Variants in ASPHD2 observed in about 807,000 individuals in gnomAD.
ASPHD2 encodes aspartate beta-hydroxylase domain-containing protein 2.
A neutral mutation model predicts 34.6 loss-of-function variants in ASPHD2; 12 were observed. The observed-to-expected ratio is 0.35, with a 90% CI of 0.22 to 0.56. The LOEUF (loss-of-function observed/expected upper bound fraction) is 0.56, where lower values mean the gene tolerates loss of function less well. Among genes scored for constraint, ASPHD2 ranks in the 20% least tolerant of loss-of-function variants. ASPHD2 has a pLI of 0.87. For synonymous variants in ASPHD2, 224 were observed against 212.2 expected, an observed-to-expected ratio of 1.06 and a Z score of -0.48; for missense variants, 375 against 505.0, an observed-to-expected ratio of 0.74 and a Z score of 2.47.
Position 26,443,330 on chromosome 22 carries a change from AT to A in ASPHD2, c.*127del, listed in dbSNP as rs2084870962. On this transcript the variant is annotated 3_prime_UTR_variant, in exon 4 of 4. Coordinates refer to ENST00000215906, the MANE Select transcript of ASPHD2 (RefSeq NM_020437.5). ...AAACCTGCCTCAGCGGAAAGCTCTT[AT>A]TTGGGATTTTATATCATGTCGGGTC... is the stretch of plus-strand genomic sequence containing the variant. 1 of 758,906 alleles carries A rather than the reference AT, an allele frequency of 1.3e-6. No individual in the cohort carries two copies. Among genetic ancestry groups the A allele is most frequent in the East Asian group, 2.7e-5 (1 of 37,270 alleles). 47.0% of individuals were successfully genotyped at this position (758,906 alleles called of 1,614,324 possible).
intron 1 of ASPHD2, among the ~76,000 whole-genome samples, chr22:26,431,249 A>G (rs1487769265): frequency 1.3e-5 from 2 of 152,176 alleles, no homozygotes; most frequent in Non-Finnish European, 2.9e-5. Flanking sequence ...TTGCAAACAA[A>G]ACATCTTTCA....
chr22:26,442,884 C>T (rs934316918), intron 3 of ASPHD2, among the ~76,000 whole-genome samples: 4 of 152,148 alleles, frequency 2.6e-5, no homozygotes, highest in African/African-American at 9.7e-5. Context: ...AAAGATCCCT[C>T]CATCTCCCCA....
chr22:26,442,418 C>G, intron 2 of ASPHD2, 41 bp from the exon 3 acceptor site: 1 of 1,464,378 alleles, frequency 6.8e-7, no homozygotes, highest in Non-Finnish European at 9.3e-7. Flanking sequence ...TTCCCTGAAT[C>G]TTGCCTGCCT....
chr22:26,442,366 C>CA, intron 2 of ASPHD2, 93 bp from the exon 3 acceptor site: 2 of 964,076 alleles, frequency 2.1e-6, no homozygotes. Flanking sequence ...CTTTAGAAGT[C>CA]AAAAACTCTC....
intron 2 of ASPHD2, among the ~76,000 whole-genome samples, chr22:26,436,933 G>C (rs900456921): frequency 6.6e-6 from 1 of 152,088 alleles, no homozygotes; most frequent in Non-Finnish European, 1.5e-5. Context: ...GCCCAGCTAG[G>C]TACTTGCCAG....
intron 3 of ASPHD2, 118 bp from the exon 4 acceptor site, chr22:26,442,979 G>A: frequency 2.7e-6 from 2 of 749,358 alleles, no homozygotes; most frequent in Non-Finnish European, 4.8e-6. Context: ...TCCGAGCCGA[G>A]GGACAGGATG....
chr22:26,437,445 C>A (rs2084799354), intron 2 of ASPHD2, among the ~76,000 whole-genome samples: 1 of 152,172 alleles, frequency 6.6e-6, no homozygotes, highest in South Asian at 2.1e-4. Flanking sequence ...ATCACCTAGT[C>A]CCGACTTCAT....
chr22:26,435,972 A>G (rs184890338), intron 2 of ASPHD2, among the ~76,000 whole-genome samples: 1 of 152,288 alleles, frequency 6.6e-6, no homozygotes, highest in African/African-American at 2.4e-5. Context: ...AGAGGATTCA[A>G]TGAGTGGCAT....
rs750016830 is a variant in ASPHD2, at chr22:26,442,616, C to G, written c.1000+44C>G. 6.9e-6 allele frequency: 10 copies of G among 1,452,444 alleles called. No homozygotes were observed. The African/African-American group carries it at 1.0e-4, about 15-fold the overall frequency. The allele number at this position is 1,452,444 out of a possible 1,614,324, so 90.0% of individuals were successfully genotyped here. ...CACTTCCTTTTTTTCAATGAATAGA[C>G]TTTTATTTTTTTAGAGAAGTTTTAG... On this transcript the variant is annotated intron_variant, in intron 3 of 3. Coordinates refer to ENST00000215906, the MANE Select transcript of ASPHD2 (RefSeq NM_020437.5).
At chr22:26,436,842 A>ATGTGTG (rs4049320) in intron 2 of ASPHD2, among the ~76,000 whole-genome samples, 39 of 148,880 alleles carry the variant, frequency 2.6e-4, no homozygotes, top group African/African-American at 6.5e-4. Context: ...ATATGCATGC[A>ATGTGTG]TGTGTGTGTG....
chr22:26,431,353 C>T (rs1171390225), intron 1 of ASPHD2, among the ~76,000 whole-genome samples: 1 of 151,332 alleles, frequency 6.6e-6, no homozygotes, highest in Non-Finnish European at 1.5e-5. Flanking sequence ...TTCTTAACCT[C>T]CAGTGAGTCA....
chr22:26,431,737 C>T (rs760003073), intron 1 of ASPHD2, among the ~76,000 whole-genome samples: 2 of 152,322 alleles, frequency 1.3e-5, no homozygotes, highest in Admixed American at 6.5e-5. Flanking sequence ...ACCTTTCTCT[C>T]GTGCCCCACC....
chr22:26,438,018 G>A (rs1438251156), intron 2 of ASPHD2, among the ~76,000 whole-genome samples: 2 of 152,190 alleles, frequency 1.3e-5, no homozygotes, highest in African/African-American at 4.8e-5. Flanking sequence ...AGAATGAAGG[G>A]GAGGCGGAGA....
intron 1 of ASPHD2, among the ~76,000 whole-genome samples, chr22:26,432,861 A>T (rs889172056): frequency 2.0e-5 from 3 of 152,242 alleles, no homozygotes; most frequent in African/African-American, 7.2e-5. Flanking sequence ...TGAAATAAGG[A>T]TGATGAAATG....
chr22:26,436,729 C>T (rs908562502), intron 2 of ASPHD2, among the ~76,000 whole-genome samples: 12 of 152,132 alleles, frequency 7.9e-5, no homozygotes, highest in African/African-American at 2.9e-4. Flanking sequence ...CATTTGAGGA[C>T]TGATGTGGTA....
chr22:26,443,351 C>A lies in ASPHD2; in HGVS notation c.*145C>A. ...TCTTATTTGGGATTTTATATCATGT[C>A]GGGTCCCTCTTTCCCTTGGTTATTG... On this transcript the variant is annotated 3_prime_UTR_variant, in exon 4 of 4. Coordinates refer to ENST00000215906, the MANE Select transcript of ASPHD2 (RefSeq NM_020437.5). 1 of 647,654 alleles carries A rather than the reference C, an allele frequency of 1.5e-6. No homozygotes were observed. The highest frequency in any genetic ancestry group is 2.7e-6 in the Non-Finnish European group (1 of 372,982). 40.1% of individuals were successfully genotyped at this position (647,654 alleles called of 1,614,324 possible).
In ASPHD2 at chr22:26,434,191, A is replaced by G. The variant is rs1318760201; in HGVS notation, c.576A>G (p.Glu192=). ...AGAAACATGATGTGGAAGTGCTGGA[A>G]CGGAACTTCCAGACCATCCTGTGTG... ...DAQKHDVEVL[E]RNFQTILCEF... The change falls in exon 2 of 4, where the codon GAA becomes GAG. Residue 192 remains glutamate (E), a synonymous_variant. Transcript: ENST00000215906. 2.5e-6 allele frequency: 4 copies of G among 1,613,652 alleles called. No individual in the cohort carries two copies. The East Asian group carries it at 6.7e-5, about 27-fold the overall frequency.
chr22:26,437,525 T>C (rs2084799947), intron 2 of ASPHD2, among the ~76,000 whole-genome samples: 1 of 152,202 alleles, frequency 6.6e-6, no homozygotes, highest in Non-Finnish European at 1.5e-5. Flanking sequence ...ATATTCCAGA[T>C]GCACTGCCAC....
chr22:26,431,948 C>T (rs554727757), intron 1 of ASPHD2, among the ~76,000 whole-genome samples: 3 of 152,324 alleles, frequency 2.0e-5, no homozygotes, highest in African/African-American at 7.2e-5. Flanking sequence ...GTAATCCCAA[C>T]ACTTTGGGAG....
Sources: gnomAD v4.1 joint callset for allele counts (sites outside exome capture counted in the v4.1 genomes callset) on GRCh38, gnomAD v4.1.1 for gene constraint, MANE v1.5 for transcripts, NCBI Gene and HGNC (gene_info 2026-07-23, HGNC 2026-07-21) for gene names.